The following STX3 variants were observed in gnomAD, a reference collection of about 807,000 sequenced individuals.
STX3 encodes syntaxin 3, also known as syntaxin-3.
In STX3, 19 loss-of-function variants were observed where a neutral mutation model predicts 40.2. That is an observed-to-expected ratio of 0.47 (90% CI 0.33 to 0.69). The LOEUF (loss-of-function observed/expected upper bound fraction) is 0.69, where lower values mean the gene tolerates loss of function less well. Among genes scored for constraint, STX3 ranks in the 30% least tolerant of loss-of-function variants. The probability of loss-of-function intolerance (pLI) is 0.02; values close to 1 mark genes in which losing one functional copy is unlikely to be tolerated. For synonymous variants in STX3, 122 were observed against 132.2 expected, an observed-to-expected ratio of 0.92 and a Z score of 0.53; for missense variants, 364 against 366.7, an observed-to-expected ratio of 0.99 and a Z score of 0.06.
At chr11:59,782,778 A>C (rs528145746) in intron 2 of STX3, among the ~76,000 whole-genome samples, 2 of 151,694 alleles carry the variant, frequency 1.3e-5, no homozygotes, top group Non-Finnish European at 2.9e-5. Flanking sequence ...GGATCACTTG[A>C]GCTCAGGAGT....
intron 10 of STX3, 78 bp downstream of exon 10, chr11:59,797,474 T>C (rs1865592638): frequency 7.5e-6 from 8 of 1,072,666 alleles, no homozygotes; most frequent in Middle Eastern, 2.0e-4. Context: ...CAAATTCCTC[T>C]TCTTTCCCCC....
chr11:59,802,235 A>C lies in STX3; in HGVS notation c.*1411A>C. ...TTGTCTCACTGAATTCTTATCATGG[A>C]AACAGCAGCAGCAGCCGCTAGGAAA... On this transcript the variant is annotated 3_prime_UTR_variant, in exon 11 of 11. Coordinates refer to ENST00000337979, the MANE Select transcript of STX3 (RefSeq NM_004177.5). 2.0e-6 allele frequency: 2 copies of C among 985,476 alleles called. No individual in the cohort carries two copies. The highest frequency in any genetic ancestry group is 2.4e-6 in the Non-Finnish European group (2 of 829,984). 61.0% of individuals were successfully genotyped at this position (985,476 alleles called of 1,614,324 possible).
intron 1 of STX3, among the ~76,000 whole-genome samples, chr11:59,765,548 A>G (rs924416693): frequency 1.3e-5 from 2 of 152,164 alleles, no homozygotes; most frequent in Admixed American, 6.5e-5. Flanking sequence ...TCATGCGTGT[A>G]ATCCCAGCAC....
rs78075925 is a variant in STX3 at position 59,758,178 on chromosome 11, A to G, written c.30+2543A>G. ...GATGGGTAGAAATGAGGAATCTGTA[A>G]GAAAGCGTTTTTAGTAGACAGAGCT... On this transcript the variant is annotated intron_variant, in intron 1 of 10. Transcript: ENST00000337979. Among the ~76,000 whole-genome samples, 618 of 152,298 alleles carry G rather than the reference A, an allele frequency of 4.1e-3. 2 individuals are homozygous for G. The highest frequency in any genetic ancestry group is 0.014 in the African/African-American group (575 of 41,556).
chr11:59,788,785 C>T, intron 3 of STX3, 88 bp from the exon 4 acceptor site: 3 of 1,128,742 alleles, frequency 2.7e-6, no homozygotes, highest in South Asian at 1.4e-5. Flanking sequence ...CCCGATAAAG[C>T]TCCCCTCCTC....
intron 1 of STX3, among the ~76,000 whole-genome samples, chr11:59,771,237 G>GAACTTAGTGAGACC (rs1554996149): frequency 6.6e-6 from 1 of 152,114 alleles, no homozygotes; most frequent in African/African-American, 2.4e-5. Flanking sequence ...CCAGCTTGGG[G>GAACTTAGTGAGACC]CCTGGTGGTG....
intron 7 of STX3, 99 bp downstream of exon 7, chr11:59,793,271 G>T (rs1212932567): frequency 4.4e-6 from 7 of 1,606,622 alleles, no homozygotes; most frequent in Non-Finnish European, 5.1e-6. Context: ...AGCTGCAGGT[G>T]CAGGGAGTTC....
chr11:59,803,816 C>T lies in STX3; in HGVS notation c.*2992C>T, dbSNP rs1291768055. On this transcript the variant is annotated 3_prime_UTR_variant, in exon 11 of 11. Transcript: ENST00000337979. Reference sequence around the variant, plus strand: ...CTATATAATCTATGATTTTTTTCCTCCATTTTTCTGTTATCTCCCACAGCC... The same window carrying T: ...CTATATAATCTATGATTTTTTTCCTTCATTTTTCTGTTATCTCCCACAGCC... 6.5e-6 allele frequency: 1 copy of T among 152,800 alleles called. No homozygotes were observed. Among genetic ancestry groups the T allele is most frequent in the Non-Finnish European group, 1.5e-5 (1 of 68,034 alleles). 9.5% of individuals were successfully genotyped at this position (152,800 alleles called of 1,614,324 possible).
chr11:59,795,891 G>T (rs1865492478), intron 9 of STX3, among the ~76,000 whole-genome samples: 1 of 152,120 alleles, frequency 6.6e-6, no homozygotes, highest in Non-Finnish European at 1.5e-5. Context: ...GGTGTGCCTT[G>T]CATGGATCTG....
intron 1 of STX3, among the ~76,000 whole-genome samples, chr11:59,766,547 G>A (rs2134888574): frequency 6.6e-6 from 1 of 152,282 alleles, no homozygotes; most frequent in African/African-American, 2.4e-5. Context: ...GGGTTTCTGA[G>A]GCACATGTGA....
chr11:59,787,211 C>T, intron 3 of STX3, 75 bp downstream of exon 3: 3 of 1,322,478 alleles, frequency 2.3e-6, no homozygotes, highest in Non-Finnish European at 3.2e-6. Flanking sequence ...GTTTTCTTGC[C>T]CTTCGTGAGC....
At chr11:59,773,787 C>T (rs1343254933) in intron 2 of STX3, among the ~76,000 whole-genome samples, 2 of 151,998 alleles carry the variant, frequency 1.3e-5, no homozygotes, top group Non-Finnish European at 2.9e-5. Context: ...CAAGAACAAC[C>T]TGGCCAACAT....
chr11:59,755,537 T>A lies in STX3; in HGVS notation c.-69T>A, dbSNP rs1175190146. On this transcript the variant is annotated 5_prime_UTR_variant, in exon 1 of 11. Coordinates refer to ENST00000337979, the MANE Select transcript of STX3 (RefSeq NM_004177.5). Reference sequence around the variant, plus strand: ...CGGCCGCCGCTTCCGGCAGCTCACCTGGGAAGCGCTCACCTGGGACGCGCT... The same window carrying A: ...CGGCCGCCGCTTCCGGCAGCTCACCAGGGAAGCGCTCACCTGGGACGCGCT... The A allele has an allele frequency of 6.4e-7, 1 of 1,555,606 alleles. No individual in the cohort carries two copies. Among genetic ancestry groups the A allele is most frequent in the Non-Finnish European group, 8.6e-7 (1 of 1,160,822 alleles).
In STX3 at chr11:59,803,757, G is replaced by A. The variant is rs76066477; in HGVS notation, c.*2933G>A. 2 of 152,948 alleles carry A rather than the reference G, an allele frequency of 1.3e-5. No individual in the cohort carries two copies. The highest frequency in any genetic ancestry group is 4.8e-5 in the African/African-American group (2 of 41,574). 9.5% of individuals were successfully genotyped at this position (152,948 alleles called of 1,614,324 possible). ...GTATGTAGTCCTTTACCCCGGGTAA[G>A]AGGGATTTGGTGATCCCAGCCACGA... On this transcript the variant is annotated 3_prime_UTR_variant, in exon 11 of 11. Coordinates refer to ENST00000337979, the MANE Select transcript of STX3 (RefSeq NM_004177.5).
At chr11:59,771,820 T>C (rs749740766) in intron 1 of STX3, among the ~76,000 whole-genome samples, 2 of 152,104 alleles carry the variant, frequency 1.3e-5, no homozygotes, top group Non-Finnish European at 2.9e-5. Context: ...TAAGCTATCA[T>C]TGGATGATGT....
Position 59,802,645 on chromosome 11 carries a change from T to C in STX3, c.*1821T>C, listed in dbSNP as rs1865933433. On this transcript the variant is annotated 3_prime_UTR_variant, in exon 11 of 11. Transcript: ENST00000337979. ...TTTGTTGTTGTTTGTATTTTTTAGA[T>C]GTAAACTTGATTATTTTATTGCTAA... 5 of 985,828 alleles carry C rather than the reference T, an allele frequency of 5.1e-6. No homozygotes were observed. In the South Asian group the frequency reaches 1.9e-4, roughly 37 times the overall value. 61.1% of individuals were successfully genotyped at this position (985,828 alleles called of 1,614,324 possible). A position where few individuals can be genotyped will look rare whatever the true frequency, so the allele number is the denominator to read the frequency against.
intron 2 of STX3, among the ~76,000 whole-genome samples, chr11:59,775,343 CA>C (rs1344832828): frequency 6.6e-6 from 1 of 152,022 alleles, no homozygotes; most frequent in Non-Finnish European, 1.5e-5. Context: ...AATATCCTTT[CA>C]CTCCGTGATG....
At chr11:59,795,620 A>G in intron 9 of STX3, 138 bp downstream of exon 9, 1 of 1,539,980 alleles carries the variant, frequency 6.5e-7, no homozygotes, top group Non-Finnish European at 8.7e-7. Context: ...GATTGACCGT[A>G]TTGAGAACAA....
chr11:59,757,228 C>T (rs1000953147), intron 1 of STX3, among the ~76,000 whole-genome samples: 13 of 152,186 alleles, frequency 8.5e-5, no homozygotes, highest in South Asian at 2.1e-4. Flanking sequence ...GCTCTTGACA[C>T]TCTCCACAGT....
Sources: gnomAD v4.1 joint callset for allele counts (sites outside exome capture counted in the v4.1 genomes callset) on GRCh38, gnomAD v4.1.1 for gene constraint, MANE v1.5 for transcripts, NCBI Gene and HGNC (gene_info 2026-07-23, HGNC 2026-07-21) for gene names.